The following SHROOM2 variants were observed in gnomAD, a reference collection of about 807,000 sequenced individuals.
The protein encoded by SHROOM2 is protein Shroom2.
Under a neutral mutation model 75.9 loss-of-function variants are expected in SHROOM2, and 33 were observed. The ratio of observed to expected loss-of-function variants is 0.43; its 90% CI spans 0.33 to 0.58. The LOEUF is 0.58. Among genes scored for constraint, SHROOM2 ranks in the 20% least tolerant of loss-of-function variants. The probability of loss-of-function intolerance (pLI) is 0.04; values close to 1 mark genes in which losing one functional copy is unlikely to be tolerated. For synonymous variants in SHROOM2, 655 were observed against 663.6 expected, an observed-to-expected ratio of 0.99 and a Z score of 0.20; for missense variants, 1,434 against 1,461.2, an observed-to-expected ratio of 0.98 and a Z score of 0.30.
At chrX:9,867,307 G>C (rs1254558117) in intron 1 of SHROOM2, among the ~76,000 whole-genome samples, 1 of 111,324 alleles carries the variant, frequency 9.0e-6, no homozygotes, top group Non-Finnish European at 1.9e-5. Context: ...GTGTGGACTT[G>C]GTGCTTTGGG....
At chrX:9,883,543 A>G (rs778672405) in intron 2 of SHROOM2, among the ~76,000 whole-genome samples, 1 of 111,275 alleles carries the variant, frequency 9.0e-6, no homozygotes, top group East Asian at 2.8e-4. Context: ...CCTAGATGCT[A>G]CAGACGCTGC....
At chrX:9,797,101 A>T (rs1488803784) in intron 1 of SHROOM2, among the ~76,000 whole-genome samples, 1 of 112,435 alleles carries the variant, frequency 8.9e-6, no homozygotes, top group East Asian at 2.8e-4. Context: ...GTGTGGCAGA[A>T]ATGCTGCCTG....
chrX:9,871,537 T>C (rs1473204119), intron 1 of SHROOM2, among the ~76,000 whole-genome samples: 1 of 112,294 alleles, frequency 8.9e-6, no homozygotes, highest in Non-Finnish European at 1.9e-5. Context: ...TGGAAGCTTA[T>C]TTACAGTCTG....
chrX:9,867,000 C>T (rs915402724), intron 1 of SHROOM2, among the ~76,000 whole-genome samples: 35 of 110,605 alleles, frequency 3.2e-4, no homozygotes, highest in Non-Finnish European at 5.9e-4. Context: ...CCCCCTCATG[C>T]TGCCACTGCA....
intron 1 of SHROOM2, among the ~76,000 whole-genome samples, chrX:9,822,304 G>C (rs201011304): frequency 5.4e-5 from 6 of 111,850 alleles, no homozygotes; most frequent in East Asian, 2.8e-4. Flanking sequence ...TTAGGGGAAG[G>C]GGGGAGGAGG....
intron 1 of SHROOM2, among the ~76,000 whole-genome samples, chrX:9,841,044 G>A (rs1023176907): frequency 6.3e-5 from 7 of 111,146 alleles, no homozygotes; most frequent in African/African-American, 9.8e-5. Context: ...CAACCTCCAC[G>A]TCCTGGGTTC....
intron 1 of SHROOM2, among the ~76,000 whole-genome samples, chrX:9,865,785 C>T (rs2084133497): frequency 9.1e-6 from 1 of 110,032 alleles, no homozygotes; most frequent in Non-Finnish European, 1.9e-5. Flanking sequence ...TGGTCTCGAT[C>T]TCCTGACCTC....
chrX:9,889,492 G>A (rs1228493870), intron 2 of SHROOM2, among the ~76,000 whole-genome samples: 1 of 111,867 alleles, frequency 8.9e-6, no homozygotes, highest in Non-Finnish European at 1.9e-5. Context: ...CATGAGGCTG[G>A]AGAAGTGAGC....
intron 1 of SHROOM2, among the ~76,000 whole-genome samples, chrX:9,803,411 G>A (rs1319198155): frequency 3.6e-5 from 4 of 111,893 alleles, no homozygotes; most frequent in Non-Finnish European, 5.6e-5. Flanking sequence ...GCACACAGCA[G>A]CCTTGCTTTG....
intron 5 of SHROOM2, among the ~76,000 whole-genome samples, chrX:9,925,594 C>T: frequency 8.9e-6 from 1 of 112,373 alleles, no homozygotes; most frequent in East Asian, 2.8e-4. Flanking sequence ...CTGGGCCCTA[C>T]CCCAGTTGTC....
chrX:9,838,462 C>A (rs2083961154), intron 1 of SHROOM2, among the ~76,000 whole-genome samples: 1 of 111,089 alleles, frequency 9.0e-6, no homozygotes, highest in Non-Finnish European at 1.9e-5. Context: ...GTGGGACTTG[C>A]AGGGAGCCTG....
chrX:9,875,486 C>T (rs2084195902), intron 2 of SHROOM2, among the ~76,000 whole-genome samples: 1 of 111,823 alleles, frequency 8.9e-6, no homozygotes, highest in African/African-American at 3.3e-5. Context: ...CTTCTGTCTC[C>T]TGTACTGTCT....
Position 9,937,236 on chromosome X carries a change from A to G in SHROOM2, c.3690A>G (p.Ala1230=). The G allele has an allele frequency of 8.3e-7, 1 of 1,207,841 alleles. No homozygotes were observed. The highest frequency in any genetic ancestry group is 2.2e-5 in the Admixed American group (1 of 45,631). ...AGAAGGAGAGCCGCCAGAGCCTGGCATGCCCCGCCGAGCCACCTGCCCTGC... is the reference window on the plus strand; with the variant it reads ...AGAAGGAGAGCCGCCAGAGCCTGGCGTGCCCCGCCGAGCCACCTGCCCTGC... ...QPEKESRQSL[A]CPAEPPALPH... Residue 1230 remains alanine, a synonymous_variant, in exon 7 of 10, where the codon GCA becomes GCG. Transcript: ENST00000380913.
At chrX:9,795,692 C>G (rs180811119) in intron 1 of SHROOM2, among the ~76,000 whole-genome samples, 1 of 108,276 alleles carries the variant, frequency 9.2e-6, no homozygotes, top group Admixed American at 1.0e-4. Flanking sequence ...TCAGGTGAAG[C>G]TGTTTCCCTG....
At position 9,937,600 on chromosome X, in the gene SHROOM2, C is replaced by A. The variant is rs1267570833; in HGVS notation, c.4054C>A (p.Pro1352Thr). ...TTMDLMEGIF[P>T]KDEHLLEEAQ... ...TATGGACTTGATGGAAGGCATCTTC[C>A]CCAAAGACGAGCACCTCCTGGAAGA... is the stretch of plus-strand genomic sequence containing the variant. The change falls in exon 7 of 10, where the codon CCC becomes ACC. Residue 1352 changes from proline to threonine, a missense_variant. Coordinates refer to ENST00000380913, the MANE Select transcript of SHROOM2 (RefSeq NM_001649.4). 1 of 1,209,829 alleles carries A rather than the reference C, an allele frequency of 8.3e-7. No individual in the cohort carries two copies. Among genetic ancestry groups the A allele is most frequent in the Non-Finnish European group, 1.1e-6 (1 of 895,058 alleles).
chrX:9,827,223 CTTTTTTT>C (rs397953893), intron 1 of SHROOM2, among the ~76,000 whole-genome samples: 1 of 60,153 alleles, frequency 1.7e-5, no homozygotes, highest in African/African-American at 7.5e-5. Flanking sequence ...TTTTCTTTTT[CTTTTTTT>C]TTTTTTTTTT....
chrX:9,925,285 T>G (rs981493677), intron 5 of SHROOM2, among the ~76,000 whole-genome samples: 3 of 112,247 alleles, frequency 2.7e-5, no homozygotes, highest in Non-Finnish European at 5.6e-5. Flanking sequence ...GTGCCGGCTC[T>G]TAGCTGCCTG....
At position 9,879,248 on chromosome X, in the gene SHROOM2, A is replaced by AT. The variant is rs201750201; in HGVS notation, c.317+5454dup. Among the ~76,000 whole-genome samples, 15 of 108,755 alleles carry AT rather than the reference A, an allele frequency of 1.4e-4. 1 individual carries two copies. The highest frequency in any genetic ancestry group is 6.8e-4 in the Admixed American group (7 of 10,234). The allele number at this position is 108,755 out of a possible 115,157, so 94.4% of individuals were successfully genotyped here. ...CCACCATGCCCAGCTTATTGTTTTT[A>AT]TTTTTTTTTATTTAATTTTATTTTT... On this transcript the variant is annotated intron_variant, in intron 2 of 9. Transcript: ENST00000380913.
In SHROOM2 at chrX:9,937,300, A is replaced by G; in HGVS notation, c.3754A>G (p.Thr1252Ala). 1 of 1,209,797 alleles carries G rather than the reference A, an allele frequency of 8.3e-7. No homozygotes were observed. Among genetic ancestry groups the G allele is most frequent in the Non-Finnish European group, 1.1e-6 (1 of 894,572 alleles). ...LEKDQIKTLSTSEQFYSRFCL... is the reference protein window; with the variant it reads ...LEKDQIKTLSASEQFYSRFCL... ...GAAAGACCAGATCAAGACGCTGAGC[A>G]CATCTGAGCAGTTCTACTCGCGCTT... The change falls in exon 7 of 10, where the codon ACA (threonine) becomes GCA (alanine). Residue 1252 changes from threonine (T) to alanine (A), a missense_variant. This residue lies in a region of SHROOM2 where 1,340 missense variants were observed against 1,338.3 expected (regional missense o/e 1.00). Transcript: ENST00000380913.
Sources: gnomAD v4.1 joint callset for allele counts (sites outside exome capture counted in the v4.1 genomes callset) on GRCh38, gnomAD v4.1.1 for gene constraint, gnomAD v4.1.1 regional missense constraint, MANE v1.5 for transcripts, NCBI Gene and HGNC (gene_info 2026-07-23, HGNC 2026-07-21) for gene names.